PACS2: variants seen among roughly 807,000 people sequenced by gnomAD.
PACS2 encodes PACS1-like protein.
A neutral mutation model predicts 113.0 loss-of-function variants in PACS2; 36 were observed. That is an observed-to-expected ratio of 0.32 (90% CI 0.24 to 0.42). The LOEUF is 0.42. Ranked by LOEUF, PACS2 falls within the 10% of genes least tolerant of loss-of-function variation. The pLI, the probability that PACS2 is intolerant of heterozygous loss-of-function variation, is 1.00. For missense variants in PACS2, 1,015 were observed against 1,239.5 expected, an observed-to-expected ratio of 0.82 and a Z score of 2.72; for synonymous variants, 589 against 536.1, an observed-to-expected ratio of 1.10 and a Z score of -1.36.
intron 1 of PACS2, among the ~76,000 whole-genome samples, chr14:105,344,052 G>A (rs2059829822): frequency 6.6e-6 from 1 of 151,390 alleles, no homozygotes; most frequent in South Asian, 2.1e-4. Flanking sequence ...CATGTAGCTG[G>A]GACTACAGAT....
chr14:105,358,522 C>A lies in PACS2; in HGVS notation c.423+3345C>A, dbSNP rs1367541342. On this transcript the variant is annotated intron_variant, in intron 4 of 24. Transcript: ENST00000447393. The surrounding 1 kb of genome is among the most constrained non-coding windows in gnomAD (Gnocchi z 4.9). ...AGGGGTGGGCGTTCGTGTGGCCAGA[C>A]CACCCTGGGGCTGCAGCCTGGGAGA... Among the ~76,000 whole-genome samples, 1 of 152,042 alleles carries A rather than the reference C, an allele frequency of 6.6e-6. No homozygotes were observed. Among genetic ancestry groups the A allele is most frequent in the East Asian group, 1.9e-4 (1 of 5,182 alleles).
rs1364198898 is a variant in PACS2, at chr14:105,366,720, C to G, written c.424-493C>G. On this transcript the variant is annotated intron_variant, in intron 4 of 24. Transcript: ENST00000447393. This position sits in a 1 kb window ranked among gnomAD's most constrained non-coding sequence, Gnocchi z 4.3. The stretch of plus-strand genomic sequence containing the variant: ...AGACACTGGTCCCTGGGCATTGGCT[C>G]CTGTGGGTTGGGCAGCCGGCTTCAC... 6.6e-6 allele frequency among the ~76,000 whole-genome samples: 1 copy of G among 152,158 alleles called. No homozygotes were observed. The highest frequency in any genetic ancestry group is 6.5e-5 in the Admixed American group (1 of 15,278).
Position 105,392,672 on chromosome 14 carries a change from C to A in PACS2, c.2309C>A (p.Ala770Glu). The A allele has an allele frequency of 6.2e-7, 1 of 1,612,436 alleles. No homozygotes were observed. Among genetic ancestry groups the A allele is most frequent in the African/African-American group, 1.3e-5 (1 of 75,048 alleles). The change falls in exon 23 of 25, where the codon GCA becomes GAA. Residue 770 changes from alanine to glutamate, a missense_variant. Around this residue, in one of 3 missense-constraint regions of PACS2, gnomAD observed 859 missense variants for 1,056.8 expected, o/e 0.81. Transcript: ENST00000447393. Reference protein sequence around the residue: ...MGLQVDYWTAAQPADRKRDAE... With the variant: ...MGLQVDYWTAEQPADRKRDAE... The stretch of plus-strand genomic sequence containing the variant: ...CTGCAGGTGGACTACTGGACGGCAG[C>A]ACAGCCTGCGGACAGGAAGAGGGAC...
At chr14:105,328,058 C>A (rs1036131299) in intron 1 of PACS2, among the ~76,000 whole-genome samples, 20 of 152,388 alleles carry the variant, frequency 1.3e-4, no homozygotes, top group Middle Eastern at 6.8e-3. Context: ...ATTCGTCAAC[C>A]TTCAGTGGAC....
At position 105,320,697 on chromosome 14, in the gene PACS2, G is replaced by A. The variant is rs953453181; in HGVS notation, c.119+5660G>A. Among the ~76,000 whole-genome samples, 21 of 152,270 alleles carry A rather than the reference G, an allele frequency of 1.4e-4. No individual in the cohort carries two copies. In the East Asian group the frequency reaches 1.9e-3, roughly 14 times the overall value. On this transcript the variant is annotated intron_variant, in intron 1 of 24. Transcript: ENST00000447393. ...GTTTAGGACTTCTGCATGTGTGTCT[G>A]GGGTCTATGTGCTTCCTTTCTTCTG...
chr14:105,387,267 T>G (rs1291355794), intron 19 of PACS2, among the ~76,000 whole-genome samples: 1 of 152,200 alleles, frequency 6.6e-6, no homozygotes, highest in Non-Finnish European at 1.5e-5. Flanking sequence ...CAGGCTCCCC[T>G]GCGAGAGTCC....
intron 7 of PACS2, 66 bp from the exon 8 acceptor site, chr14:105,369,775 A>G: frequency 7.1e-7 from 1 of 1,409,118 alleles, no homozygotes; most frequent in Non-Finnish European, 9.7e-7. Flanking sequence ...GGGCCTGAGG[A>G]AGGGGCTCCA....
upstream of PACS2, among the ~76,000 whole-genome samples, chr14:105,311,414 C>T (rs927097735): frequency 2.6e-5 from 4 of 152,090 alleles, no homozygotes; most frequent in Non-Finnish European, 5.9e-5. Context: ...CCACCATGCC[C>T]AGGTACGTTT....
At position 105,315,041 on chromosome 14, in the gene PACS2, C is replaced by A; in HGVS notation, c.119+4C>A. 8.5e-7 allele frequency: 1 copy of A among 1,176,624 alleles called. No homozygotes were observed. Among genetic ancestry groups the A allele is most frequent in the Non-Finnish European group, 1.1e-6 (1 of 942,190 alleles). 72.9% of individuals were successfully genotyped at this position (1,176,624 alleles called of 1,614,324 possible). On this transcript the variant is annotated splice_donor_region_variant and intron_variant, in intron 1 of 24. Transcript: ENST00000447393. This position sits in a 1 kb window ranked among gnomAD's most constrained non-coding sequence, Gnocchi z 4.4. ...CCAGCCCCAGCTGCGTGCCCAGGTA[C>A]GCGCCGCCCGCCGCGCTTTGTTCCC...
intron 24 of PACS2, 138 bp downstream of exon 24, chr14:105,393,473 C>G (rs950074214): frequency 3.7e-6 from 2 of 535,914 alleles, no homozygotes; most frequent in South Asian, 5.5e-5. Flanking sequence ...CAAGCACATT[C>G]GATGAAGCCC....
Position 105,380,147 on chromosome 14 carries a change from T to C in PACS2, c.1118T>C (p.Val373Ala). Residue 373 changes from valine to alanine, a missense_variant, in exon 11 of 25, where the codon GTG becomes GCG. This residue lies in a region of PACS2 where 859 missense variants were observed against 1,056.8 expected (regional missense o/e 0.81). Coordinates refer to ENST00000447393, the MANE Select transcript of PACS2 (RefSeq NM_001100913.3). ...CCGAGCGACAGTGTCTCTGACACGG[T>C]GGCCCTCGTAAGCAGGCTTGGGCCG... ...RQPSDSVSDTVALGVPGPREH... is the reference protein window; with the variant it reads ...RQPSDSVSDTAALGVPGPREH... The C allele has an allele frequency of 6.4e-7, 1 of 1,551,810 alleles. No individual in the cohort carries two copies. The highest frequency in any genetic ancestry group is 8.7e-7 in the Non-Finnish European group (1 of 1,147,416).
At chr14:105,379,958 T>C (rs1396763159) in intron 10 of PACS2, 122 bp from the exon 11 acceptor site, 34 of 1,290,760 alleles carry the variant, frequency 2.6e-5, no homozygotes, top group Non-Finnish European at 8.8e-6. Context: ...CTGCACCCAC[T>C]GTCCAGCACA....
intron 23 of PACS2, 37 bp from the exon 24 acceptor site, chr14:105,393,185 C>G: frequency 6.6e-7 from 1 of 1,517,298 alleles, no homozygotes; most frequent in South Asian, 1.1e-5. Flanking sequence ...CCCGAAGGAG[C>G]AGCAAGATGA....
At position 105,336,996 on chromosome 14, in the gene PACS2, G is replaced by A. The variant is rs146268552; in HGVS notation, c.120-11497G>A. On this transcript the variant is annotated intron_variant, in intron 1 of 24. Coordinates refer to ENST00000447393, the MANE Select transcript of PACS2 (RefSeq NM_001100913.3). The stretch of plus-strand genomic sequence containing the variant: ...TGGACGCAGCCTGTATCCATCCTCG[G>A]ACAAACAAGTCAGCACCATGTGGCC... Among the ~76,000 whole-genome samples the A allele has an allele frequency of 7.3e-4, 111 of 152,306 alleles. 5 individuals carry two copies. In the South Asian group the frequency reaches 0.021, roughly 28 times the overall value.
rs2060357322 is a variant in PACS2 at position 105,354,598 on chromosome 14, G to A, written c.298-454G>A. Among the ~76,000 whole-genome samples the A allele has an allele frequency of 6.6e-6, 1 of 152,240 alleles. No homozygotes were observed. Among genetic ancestry groups the A allele is most frequent in the South Asian group, 2.1e-4 (1 of 4,838 alleles). On this transcript the variant is annotated intron_variant, in intron 3 of 24. Transcript: ENST00000447393. The surrounding 1 kb of genome is among the most constrained non-coding windows in gnomAD (Gnocchi z 4.2). Reference sequence around the variant, plus strand: ...GGACAGGGAGCCTGTGGTGAGACGTGCAGGCGAGTTGGGTGAACAGGGGGC... The same window carrying A: ...GGACAGGGAGCCTGTGGTGAGACGTACAGGCGAGTTGGGTGAACAGGGGGC...
chr14:105,393,928 G>A (rs991816929), intron 24 of PACS2, among the ~76,000 whole-genome samples: 25 of 151,770 alleles, frequency 1.6e-4, no homozygotes, highest in South Asian at 2.1e-4. Flanking sequence ...TGTTGGCTGA[G>A]CGCAGAGGCT....
intron 1 of PACS2, among the ~76,000 whole-genome samples, chr14:105,331,165 G>A (rs1214012999): frequency 6.6e-6 from 1 of 152,132 alleles, no homozygotes; most frequent in East Asian, 1.9e-4. Context: ...GTGTTGGCCA[G>A]GCTGGTCTCA....
Position 105,383,425 on chromosome 14 carries a change from C to A in PACS2, c.1692C>A (p.Leu564=). The part of the protein sequence containing the change: ...KIAVAGAQHY[L]SAILRLFVEQ... ...CCGTGGCGGGAGCGCAGCATTACCTCAGTGCCATCCTGCGGCTCTTTGTGG... is the reference window on the plus strand; with the variant it reads ...CCGTGGCGGGAGCGCAGCATTACCTAAGTGCCATCCTGCGGCTCTTTGTGG... The change falls in exon 16 of 25, where the codon CTC becomes CTA. Residue 564 remains leucine (L), a synonymous_variant. Transcript: ENST00000447393. 1.2e-6 allele frequency: 2 copies of A among 1,609,578 alleles called. No individual in the cohort carries two copies. The highest frequency in any genetic ancestry group is 4.5e-5 in the East Asian group (2 of 44,874).
chr14:105,332,926 A>G (rs587603175), intron 1 of PACS2, among the ~76,000 whole-genome samples: 1 of 152,264 alleles, frequency 6.6e-6, no homozygotes, highest in South Asian at 2.1e-4. Context: ...CCCCACCGCC[A>G]TCGTCCCCCC....
Sources: gnomAD v4.1 joint callset for allele counts (sites outside exome capture counted in the v4.1 genomes callset) on GRCh38, gnomAD v4.1.1 for gene constraint, gnomAD v4.1.1 regional missense constraint, Gnocchi (gnomAD v3.1) non-coding constraint, MANE v1.5 for transcripts, NCBI Gene and HGNC (gene_info 2026-07-23, HGNC 2026-07-21) for gene names.